STK3: variants seen among roughly 807,000 people sequenced by gnomAD.
The protein encoded by STK3 is serine/threonine kinase 3, also known as serine/threonine-protein kinase 3.
A neutral mutation model predicts 58.0 loss-of-function variants in STK3; 41 were observed. That is an observed-to-expected ratio of 0.71 (90% CI 0.55 to 0.92). STK3 has a LOEUF of 0.92. STK3 is among the 40% of genes least tolerant of loss of function. The pLI, the probability that STK3 is intolerant of heterozygous loss-of-function variation, is 0.00. For synonymous variants in STK3, 170 were observed against 191.0 expected (o/e 0.89, Z 0.91); for missense variants, 479 against 602.7 (o/e 0.79, Z 2.15).
chr8:98,560,905 C>T lies in STK3; in HGVS notation c.949-12744G>A, dbSNP rs184520221. Among the ~76,000 whole-genome samples, 1,031 of 152,066 alleles carry T rather than the reference C, an allele frequency of 6.8e-3. 9 individuals are homozygous for T. The highest frequency in any genetic ancestry group is 0.023 in the African/African-American group (966 of 41,506). On this transcript the variant is annotated intron_variant, in intron 8 of 10. Transcript: ENST00000419617. ...AAAATTAGCCACATGTGGCAGCATG[C>T]GCCTACAGTCCCAGCTACTTGGGAG...
intron 4 of STK3, among the ~76,000 whole-genome samples, chr8:98,740,627 C>T (rs1242377703): frequency 6.6e-6 from 1 of 152,134 alleles, no homozygotes; most frequent in African/African-American, 2.4e-5. Context: ...CCGGTACCAG[C>T]CACTGCAAAA....
chr8:98,695,408 T>A (rs1197346705), intron 6 of STK3, among the ~76,000 whole-genome samples: 1 of 152,192 alleles, frequency 6.6e-6, no homozygotes, highest in African/African-American at 2.4e-5. Flanking sequence ...GTTTTAGACA[T>A]GAAGTCCTTG....
rs575449497 is a variant in STK3 at position 98,709,158 on chromosome 8, G to A, written c.352-1847C>T. 4.6e-5 allele frequency among the ~76,000 whole-genome samples: 7 copies of A among 152,050 alleles called. No individual in the cohort carries two copies. In the South Asian group the frequency reaches 1.0e-3, roughly 23 times the overall value. ...AGCTTATATTCTATCTATAAGCAAC[G>A]GGATAATTTGATAGAAAATAGGATA... On this transcript the variant is annotated intron_variant, in intron 4 of 10. Coordinates refer to ENST00000419617, the MANE Select transcript of STK3 (RefSeq NM_006281.4).
chr8:98,779,579 A>C (rs1831948627), intron 1 of STK3, among the ~76,000 whole-genome samples: 1 of 152,228 alleles, frequency 6.6e-6, no homozygotes, highest in East Asian at 1.9e-4. Flanking sequence ...AGGTAGATAC[A>C]AAAATTTCAT....
intron 1 of STK3, among the ~76,000 whole-genome samples, chr8:98,444,179 G>T (rs1563609610): frequency 6.6e-6 from 1 of 152,202 alleles, no homozygotes; most frequent in Non-Finnish European, 1.5e-5. Context: ...AAAGTGCGGT[G>T]ACAGTGATCT....
intron 2 of STK3, among the ~76,000 whole-genome samples, chr8:98,372,680 G>C (rs1817624050): frequency 1.3e-5 from 2 of 152,306 alleles, no homozygotes; most frequent in Middle Eastern, 3.4e-3. Flanking sequence ...AGAGGGTCCA[G>C]AACATTGGCT....
At chr8:98,695,278 T>C (rs183289898) in intron 6 of STK3, among the ~76,000 whole-genome samples, 1 of 152,336 alleles carries the variant, frequency 6.6e-6, no homozygotes, top group East Asian at 1.9e-4. Flanking sequence ...TGCAAAAATT[T>C]CCTCCCATTG....
chr8:98,577,354 G>A (rs1161895092), intron 8 of STK3, among the ~76,000 whole-genome samples: 1 of 152,242 alleles, frequency 6.6e-6, no homozygotes, highest in Admixed American at 6.5e-5. Flanking sequence ...GGGTATAGTG[G>A]CATGAGTCTG....
intron 3 of STK3, among the ~76,000 whole-genome samples, chr8:98,865,496 A>C (rs1415801969): frequency 6.6e-6 from 1 of 152,024 alleles, no homozygotes; most frequent in Non-Finnish European, 1.5e-5. Context: ...CCTCCCAAGT[A>C]GCTAGAACTA....
chr8:98,472,494 A>T (rs578238664), intron 10 of STK3, among the ~76,000 whole-genome samples: 1 of 152,278 alleles, frequency 6.6e-6, no homozygotes, highest in African/African-American at 2.4e-5. Flanking sequence ...AGTACTTCAC[A>T]ATTTACAAAG....
In STK3 at chr8:98,498,399, C is replaced by G. The variant is rs189964024; in HGVS notation, c.1317+28343G>C. Among the ~76,000 whole-genome samples the G allele has an allele frequency of 1.1e-3, 162 of 152,276 alleles. 1 individual carries two copies. Among genetic ancestry groups the G allele is most frequent in the Non-Finnish European group, 2.0e-3 (133 of 68,016 alleles). On this transcript the variant is annotated intron_variant, in intron 10 of 10. Transcript: ENST00000419617. The stretch of plus-strand genomic sequence containing the variant: ...GTTCCATTCTGCAGTAACATGTCCT[C>G]TCTACCATGAGTGATACAATAGGAG...
intron 8 of STK3, among the ~76,000 whole-genome samples, chr8:98,564,302 T>C (rs1354830807): frequency 6.6e-6 from 1 of 152,170 alleles, no homozygotes; most frequent in African/African-American, 2.4e-5. Flanking sequence ...TTTCTGTGCC[T>C]GGCTTATATC....
intron 7 of STK3, among the ~76,000 whole-genome samples, chr8:98,582,323 G>A (rs1166135531): frequency 5.9e-5 from 9 of 151,764 alleles, no homozygotes; most frequent in Non-Finnish European, 1.0e-4. Context: ...CCCCTTGCCT[G>A]ACATAAATAT....
chr8:98,610,967 G>C (rs1817150147), intron 6 of STK3, among the ~76,000 whole-genome samples: 1 of 152,098 alleles, frequency 6.6e-6, no homozygotes. Context: ...ATATAAAAAT[G>C]CTCATTATAA....
intron 6 of STK3, among the ~76,000 whole-genome samples, chr8:98,684,281 C>T (rs1414035264): frequency 7.2e-5 from 11 of 152,136 alleles, no homozygotes; most frequent in Admixed American, 7.2e-4. Flanking sequence ...TCAGCAATCT[C>T]CCCTGGCTAG....
intron 6 of STK3, among the ~76,000 whole-genome samples, chr8:98,650,460 C>T (rs1025609192): frequency 2.0e-5 from 3 of 152,230 alleles, no homozygotes; most frequent in Admixed American, 6.5e-5. Flanking sequence ...ACCGGGTTCA[C>T]CTCACTAGGG....
At chr8:98,760,960 A>C (rs1051944362) in intron 3 of STK3, among the ~76,000 whole-genome samples, 1 of 152,162 alleles carries the variant, frequency 6.6e-6, no homozygotes, top group African/African-American at 2.4e-5. Context: ...CATGATACAA[A>C]TTATACGGAC....
At chr8:98,527,562 G>T (rs1825843683) in intron 9 of STK3, among the ~76,000 whole-genome samples, 1 of 152,138 alleles carries the variant, frequency 6.6e-6, no homozygotes, top group South Asian at 2.1e-4. Context: ...CAAGGCTGCA[G>T]TGAGCTATGA....
At chr8:98,407,106 AG>A (rs1398197210) in intron 3 of STK3, among the ~76,000 whole-genome samples, 1 of 152,224 alleles carries the variant, frequency 6.6e-6, no homozygotes, top group African/African-American at 2.4e-5. Flanking sequence ...GGGATAAATA[AG>A]AGATGTTTAT....
Sources: allele counts gnomAD v4.1 joint callset (sites outside exome capture counted in the v4.1 genomes callset), GRCh38; gene constraint gnomAD v4.1.1; transcripts MANE v1.5; gene names NCBI Gene and HGNC (gene_info 2026-07-23, HGNC 2026-07-21).